Variants in ATOH8 observed in about 807,000 individuals in gnomAD.
The protein encoded by ATOH8 is atonal bHLH transcription factor 8.
ATOH8 carries 9 observed loss-of-function variants against 21.2 expected under a neutral mutation model. The observed-to-expected ratio is 0.42, with a 90% confidence interval of 0.26 to 0.74. The LOEUF (loss-of-function observed/expected upper bound fraction) is 0.74, where lower values mean the gene tolerates loss of function less well. Ranked by LOEUF, ATOH8 falls within the 30% of genes least tolerant of loss-of-function variation. The pLI is 0.24. For missense variants in ATOH8, 524 were observed against 470.9 expected (o/e 1.11, Z -1.04); for synonymous variants, 253 against 224.0 (o/e 1.13, Z -1.16).
chr2:85,778,580 C>T (rs1680398613), intron 2 of ATOH8, among the ~76,000 whole-genome samples: 1 of 152,204 alleles, frequency 6.6e-6, no homozygotes, highest in South Asian at 2.1e-4. Context: ...GTATCCACAG[C>T]CGGGCTCCGT....
chr2:85,775,788 C>T (rs1250090505), intron 2 of ATOH8, among the ~76,000 whole-genome samples: 1 of 152,174 alleles, frequency 6.6e-6, no homozygotes, highest in Non-Finnish European at 1.5e-5. Context: ...GCTGGGAGGG[C>T]AACAGAGAAA....
At chr2:85,783,966 A>G (rs550917866) in intron 2 of ATOH8, among the ~76,000 whole-genome samples, 8 of 152,150 alleles carry the variant, frequency 5.3e-5, no homozygotes, top group Non-Finnish European at 8.8e-5. Context: ...GGCTAGACCA[A>G]TGGGCGTCCT....
At chr2:85,765,235 C>CT (rs1354464572) in intron 2 of ATOH8, among the ~76,000 whole-genome samples, 1 of 152,218 alleles carries the variant, frequency 6.6e-6, no homozygotes, top group African/African-American at 2.4e-5. Flanking sequence ...TCCATCCATT[C>CT]TTTCCGCTGC....
chr2:85,775,101 A>G (rs1021134085), intron 2 of ATOH8: 1 of 937,816 alleles, frequency 1.1e-6, no homozygotes, highest in African/African-American at 1.8e-5. Flanking sequence ...ATTACATTGT[A>G]TTATATTATA....
intron 2 of ATOH8, among the ~76,000 whole-genome samples, chr2:85,782,639 T>C (rs1357651016): frequency 6.6e-6 from 1 of 152,166 alleles, no homozygotes; most frequent in Non-Finnish European, 1.5e-5. Context: ...GTAAAATGCC[T>C]GTGACCAAAA....
chr2:85,754,225 G>A lies in ATOH8; in HGVS notation c.36G>A (p.Trp12Ter). Residue 12 changes from tryptophan to a stop codon, truncating the protein, a stop_gained, in exon 1 of 3, where the codon TGG becomes TGA. Transcript: ENST00000306279. LOFTEE classifies it high-confidence loss of function. Reference sequence around the variant, plus strand: ...TCCCGGTCCTCGAGGACGGGCCGTGGAAGACCGTGTGCGTGAAGGAGCTGA... The same window carrying A: ...TCCCGGTCCTCGAGGACGGGCCGTGAAAGACCGTGTGCGTGAAGGAGCTGA... ...KHIPVLEDGP[W>*]KTVCVKELNG... 1 of 1,605,138 alleles carries A rather than the reference G, an allele frequency of 6.2e-7. No individual in the cohort carries two copies. The highest frequency in any genetic ancestry group is 8.5e-7 in the Non-Finnish European group (1 of 1,176,882).
At chr2:85,783,568 CA>C (rs558100068) in intron 2 of ATOH8, 21 of 151,902 alleles carry the variant, frequency 1.4e-4, no homozygotes, top group African/African-American at 4.1e-4. Context: ...AACTCCGTCT[CA>C]AAAAAAATAA....
In ATOH8 at chr2:85,757,932, C is replaced by T. The variant is rs561316614; in HGVS notation, c.768+2975C>T. Among the ~76,000 whole-genome samples, 215 of 151,882 alleles carry T rather than the reference C, an allele frequency of 1.4e-3. 1 individual carries two copies. Among genetic ancestry groups the T allele is most frequent in the Middle Eastern group, 0.01 (3 of 294 alleles). On this transcript the variant is annotated intron_variant, in intron 1 of 2. Transcript: ENST00000306279. ...TCCCGAGTAGCTGGGATTACAGGTG[C>T]GCACCACCACACCTGGGTAATTTTT...
chr2:85,779,954 A>G (rs957773233), intron 2 of ATOH8, among the ~76,000 whole-genome samples: 1 of 152,154 alleles, frequency 6.6e-6, no homozygotes, highest in African/African-American at 2.4e-5. Flanking sequence ...GACCGTGGCA[A>G]TCACACCGAC....
At chr2:85,765,998 G>A (rs960096489) in intron 2 of ATOH8, among the ~76,000 whole-genome samples, 10 of 152,116 alleles carry the variant, frequency 6.6e-5, no homozygotes, top group Non-Finnish European at 1.0e-4. Context: ...GCACAGCCCC[G>A]AGTTCAAGCC....
At chr2:85,776,949 G>A (rs1199826270) in intron 2 of ATOH8, among the ~76,000 whole-genome samples, 1 of 152,042 alleles carries the variant, frequency 6.6e-6, no homozygotes, top group Non-Finnish European at 1.5e-5. Context: ...ACGTACACAC[G>A]AGTCCCTGCC....
rs1680031049 is a variant in ATOH8 at position 85,766,862 on chromosome 2, A to G, written c.960+2680A>G. Among the ~76,000 whole-genome samples the G allele has an allele frequency of 6.6e-6, 1 of 150,750 alleles. No individual in the cohort carries two copies. The highest frequency in any genetic ancestry group is 1.5e-5 in the Non-Finnish European group (1 of 67,610). Reference sequence around the variant, plus strand: ...TCTGGCTCACACTGTTCCCCTCTTTATCCGCTCTCTTGGTGGGGATGTGTG... The same window carrying G: ...TCTGGCTCACACTGTTCCCCTCTTTGTCCGCTCTCTTGGTGGGGATGTGTG... On this transcript the variant is annotated intron_variant, in intron 2 of 2. Transcript: ENST00000306279. The surrounding 1 kb of genome is among the most constrained non-coding windows in gnomAD (Gnocchi z 4.0).
At chr2:85,781,071 C>T (rs530850944) in intron 2 of ATOH8, 65 of 988,074 alleles carry the variant, frequency 6.6e-5, no homozygotes, top group East Asian at 5.7e-4. Context: ...ATCTGTCAAA[C>T]GCAAGGATGT....
At position 85,788,529 on chromosome 2, in the gene ATOH8, GCT is replaced by G. The variant is rs1162426602; in HGVS notation, c.*1640_*1641del. Among the ~76,000 whole-genome samples the G allele has an allele frequency of 6.6e-6, 1 of 152,140 alleles. No homozygotes were observed. The highest frequency in any genetic ancestry group is 1.5e-5 in the Non-Finnish European group (1 of 68,022). On this transcript the variant is annotated 3_prime_UTR_variant, in exon 3 of 3. Transcript: ENST00000306279. ...GTCTCTTGTGTGGCCTTGTCACATTGCTTCACCTCAGCGGGCCTAAGGTAGGG... is the reference window on the plus strand; with the variant it reads ...GTCTCTTGTGTGGCCTTGTCACATTGTCACCTCAGCGGGCCTAAGGTAGGG...
intron 2 of ATOH8, among the ~76,000 whole-genome samples, chr2:85,777,830 G>A (rs1573535424): frequency 6.6e-6 from 1 of 152,224 alleles, no homozygotes; most frequent in Non-Finnish European, 1.5e-5. Flanking sequence ...GTAAACATTT[G>A]CTGGATGAAT....
At chr2:85,762,678 G>A (rs1027384018) in intron 1 of ATOH8, among the ~76,000 whole-genome samples, 5 of 152,144 alleles carry the variant, frequency 3.3e-5, no homozygotes, top group African/African-American at 7.2e-5. Context: ...CAAAGTGGGC[G>A]ATGTGTTTAG....
intron 1 of ATOH8, among the ~76,000 whole-genome samples, chr2:85,757,484 G>T (rs1239226327): frequency 1.3e-5 from 2 of 152,256 alleles, no homozygotes; most frequent in East Asian, 3.8e-4. Context: ...CCTGAAATGG[G>T]GCCTTGGCCA....
At chr2:85,771,424 C>G (rs964286493) in intron 2 of ATOH8, among the ~76,000 whole-genome samples, 1 of 152,164 alleles carries the variant, frequency 6.6e-6, no homozygotes, top group Non-Finnish European at 1.5e-5. Flanking sequence ...GAGGAAATCT[C>G]ATGAATTTAT....
intron 2 of ATOH8, chr2:85,772,902 T>G: frequency 2.2e-6 from 1 of 444,484 alleles, no homozygotes; most frequent in African/African-American, 2.0e-5. Flanking sequence ...GAAGGCCACC[T>G]CATTAGTGCT....
Sources: gnomAD v4.1 joint callset for allele counts (sites outside exome capture counted in the v4.1 genomes callset) on GRCh38, gnomAD v4.1.1 for gene constraint, Gnocchi (gnomAD v3.1) non-coding constraint, MANE v1.5 for transcripts, NCBI Gene and HGNC (gene_info 2026-07-23, HGNC 2026-07-21) for gene names.